Variants in ATAD1 observed in about 807,000 individuals in gnomAD.
ATAD1 encodes the protein ATPase family AAA domain containing 1, also known as outer mitochondrial transmembrane helix translocase.
ATAD1 carries 18 observed loss-of-function variants against 42.7 expected under a neutral mutation model. The ratio of observed to expected loss-of-function variants is 0.42; its 90% CI spans 0.29 to 0.63. The LOEUF (loss-of-function observed/expected upper bound fraction) is 0.63. Ranked by LOEUF, ATAD1 falls within the 20% of genes least tolerant of loss-of-function variation. The pLI, the probability that ATAD1 is intolerant of heterozygous loss-of-function variation, is 0.19. For missense variants in ATAD1, 294 were observed against 440.4 expected (o/e 0.67, Z 2.98); for synonymous variants, 132 against 143.1 (o/e 0.92, Z 0.55).
intron 7 of ATAD1, among the ~76,000 whole-genome samples, chr10:87,768,597 G>A (rs1014225121): frequency 3.9e-5 from 6 of 152,040 alleles, no homozygotes; most frequent in East Asian, 3.8e-4. Context: ...CCTATAAAGC[G>A]TATTCACTAA....
intron 2 of ATAD1, among the ~76,000 whole-genome samples, chr10:87,807,736 C>G (rs976568862): frequency 6.6e-6 from 1 of 152,032 alleles, no homozygotes; most frequent in Non-Finnish European, 1.5e-5. Context: ...TTATATTTTA[C>G]ATTATATATT....
Position 87,812,804 on chromosome 10 carries a change from C to T in ATAD1, c.162+1634G>A, listed in dbSNP as rs12262711. ...AGTCCACCCAACAAAACAAAAAGGACCAAAGAAGGAAAAAGTAATGCATTC... is the reference window on the plus strand; with the variant it reads ...AGTCCACCCAACAAAACAAAAAGGATCAAAGAAGGAAAAAGTAATGCATTC... On this transcript the variant is annotated intron_variant, in intron 2 of 9. Coordinates refer to ENST00000680024, the MANE Select transcript of ATAD1 (RefSeq NM_001321967.2). Among the ~76,000 whole-genome samples, 1,119 of 152,184 alleles carry T rather than the reference C, an allele frequency of 7.4e-3. 10 individuals are homozygous for T. The highest frequency in any genetic ancestry group is 0.026 in the African/African-American group (1,069 of 41,514).
chr10:87,767,558 G>T, intron 8 of ATAD1, 115 bp downstream of exon 8: 1 of 971,236 alleles, frequency 1.0e-6, no homozygotes, highest in East Asian at 2.5e-5. Context: ...GTGGCTGCAG[G>T]GGCTGGAGAT....
At position 87,752,479 on chromosome 10, in the gene ATAD1, A is replaced by G. The variant is rs1177007533; in HGVS notation, c.*2208T>C. 6.6e-6 allele frequency: 1 copy of G among 152,186 alleles called. No homozygotes were observed. Among genetic ancestry groups the G allele is most frequent in the African/African-American group, 2.4e-5 (1 of 41,446 alleles). The allele number at this position is 152,186 out of a possible 1,614,324, so 9.4% of individuals were successfully genotyped here. On this transcript the variant is annotated 3_prime_UTR_variant, in exon 10 of 10. Transcript: ENST00000680024. ...AGGGCCTTACATGCATTATTTTATTATCCAACCCTTTAAGATGAGTGCCAC... is the reference window on the plus strand; with the variant it reads ...AGGGCCTTACATGCATTATTTTATTGTCCAACCCTTTAAGATGAGTGCCAC...
chr10:87,756,172 T>C (rs1854214205), intron 9 of ATAD1, among the ~76,000 whole-genome samples: 1 of 152,158 alleles, frequency 6.6e-6, no homozygotes, highest in Admixed American at 6.5e-5. Flanking sequence ...AGAATTCCTT[T>C]AACACAACCC....
At chr10:87,809,597 G>A (rs72814123) in intron 2 of ATAD1, among the ~76,000 whole-genome samples, 31,820 of 150,504 alleles carry the variant, frequency 0.21, 3,824 homozygotes, top group South Asian at 0.43. Context: ...TTGTTCAAGG[G>A]CCCACTATAG....
intron 2 of ATAD1, among the ~76,000 whole-genome samples, chr10:87,803,409 G>A (rs1256174248): frequency 6.6e-6 from 1 of 152,244 alleles, no homozygotes; most frequent in African/African-American, 2.4e-5. Flanking sequence ...GCTGGGAATT[G>A]CTTAGGGCAA....
chr10:87,801,568 A>C (rs1382292596), intron 2 of ATAD1, among the ~76,000 whole-genome samples: 1 of 86,126 alleles, frequency 1.2e-5, no homozygotes, highest in Non-Finnish European at 2.2e-5. Flanking sequence ...TCCTAAAATT[A>C]TGAGAAACTC....
chr10:87,762,828 T>C (rs112570792), intron 8 of ATAD1, among the ~76,000 whole-genome samples: 2,615 of 149,350 alleles, frequency 0.018, 87 homozygotes, highest in East Asian at 0.16. Context: ...CCCAGCACTT[T>C]AGGAGGCTGA....
chr10:87,821,691 T>C (rs1272357081), upstream of ATAD1, among the ~76,000 whole-genome samples: 1 of 152,176 alleles, frequency 6.6e-6, no homozygotes, highest in Non-Finnish European at 1.5e-5. Context: ...ATCTGGGCTC[T>C]CCGCCATGTG....
chr10:87,796,672 C>T (rs575476651), intron 2 of ATAD1, among the ~76,000 whole-genome samples: 7 of 152,296 alleles, frequency 4.6e-5, no homozygotes, highest in African/African-American at 1.7e-4. Context: ...TAACTGAGAC[C>T]TGTCTCAGAT....
chr10:87,841,301 C>G (rs1858030804), exon 1 of ATAD1: 2 of 152,170 alleles, frequency 1.3e-5, no homozygotes, highest in South Asian at 4.1e-4. Context: ...CTCTGGGAAG[C>G]TAGTCTATGG....
intron 2 of ATAD1, among the ~76,000 whole-genome samples, chr10:87,811,803 T>C (rs1203829275): frequency 6.6e-6 from 1 of 152,198 alleles, no homozygotes; most frequent in Non-Finnish European, 1.5e-5. Flanking sequence ...GATTCAGACC[T>C]GCAACTTCAA....
intron 1 of ATAD1, among the ~76,000 whole-genome samples, chr10:87,815,976 T>C (rs907230869): frequency 6.6e-6 from 1 of 152,110 alleles, no homozygotes; most frequent in Non-Finnish European, 1.5e-5. Context: ...TTTACCCTCA[T>C]TCACCTAGGA....
At chr10:87,818,301 C>G (rs1321004508), upstream of ATAD1, 1 of 977,258 alleles carries the variant, frequency 1.0e-6, no homozygotes, top group African/African-American at 1.8e-5. Flanking sequence ...CCGCGGTCGC[C>G]GGCGCGGAGG....
chr10:87,808,384 C>T (rs1421080844), intron 2 of ATAD1, among the ~76,000 whole-genome samples: 2 of 151,152 alleles, frequency 1.3e-5, no homozygotes, highest in African/African-American at 4.9e-5. Flanking sequence ...AGGCTTGCTC[C>T]TAATCATAAA....
In ATAD1 at chr10:87,756,942, ATGCTT is replaced by A; in HGVS notation, c.832-25_832-21del. Reference sequence around the variant, plus strand: ...ATCCACCTTAAACAAATATAAAAACATGCTTAAAAAACAAAAATAAATATATTGTA... The same window carrying A: ...ATCCACCTTAAACAAATATAAAAACAAAAAAACAAAAATAAATATATTGTA... On this transcript the variant is annotated intron_variant, in intron 8 of 9. Coordinates refer to ENST00000680024, the MANE Select transcript of ATAD1 (RefSeq NM_001321967.2). 1 of 1,565,914 alleles carries A rather than the reference ATGCTT, an allele frequency of 6.4e-7. No individual in the cohort carries two copies. The highest frequency in any genetic ancestry group is 2.1e-5 in the Admixed American group (1 of 48,700).
At chr10:87,754,885 A>G (rs531855196) in intron 9 of ATAD1, 78 bp from the exon 10 acceptor site, 8 of 1,523,470 alleles carry the variant, frequency 5.3e-6, no homozygotes, top group Non-Finnish European at 7.1e-6. Flanking sequence ...CAAGATTTAA[A>G]AGAGATGCAT....
At chr10:87,766,672 G>A (rs543013171) in intron 8 of ATAD1, among the ~76,000 whole-genome samples, 3 of 152,122 alleles carry the variant, frequency 2.0e-5, no homozygotes, top group African/African-American at 7.2e-5. Context: ...TTAGCCGAGT[G>A]TGGTGGCACA....
Sources: allele counts gnomAD v4.1 joint callset (sites outside exome capture counted in the v4.1 genomes callset), GRCh38; gene constraint gnomAD v4.1.1; transcripts MANE v1.5; gene names NCBI Gene and HGNC (gene_info 2026-07-23, HGNC 2026-07-21).